Variants in MBLAC2 observed in about 807,000 individuals in gnomAD.
The protein encoded by MBLAC2 is metallo-beta-lactamase domain containing 2.
MBLAC2 carries 24 observed loss-of-function variants against 23.3 expected under a neutral mutation model. That is an observed-to-expected ratio of 1.03 (90% CI 0.75 to 1.45). The LOEUF (loss-of-function observed/expected upper bound fraction) is 1.45, where lower values mean the gene tolerates loss of function less well. MBLAC2 is among the 40% of genes most tolerant of loss of function. MBLAC2 has a pLI of 0.00. For synonymous variants in MBLAC2, 162 were observed against 150.9 expected, an observed-to-expected ratio of 1.07 and a Z score of -0.54; for missense variants, 358 against 370.0, an observed-to-expected ratio of 0.97 and a Z score of 0.27.
rs1055820155 is a variant in MBLAC2 at position 90,460,928 on chromosome 5, G to A, written c.*239C>T. ...CATAAACCTTTATGTCATTTCTAGA[G>A]CATATATTACAAGATGACAGCTTTG... On this transcript the variant is annotated 3_prime_UTR_variant, in exon 2 of 2. Coordinates refer to ENST00000316610, the MANE Select transcript of MBLAC2 (RefSeq NM_203406.2). 1.6e-5 allele frequency: 6 copies of A among 385,678 alleles called. No homozygotes were observed. Among genetic ancestry groups the A allele is most frequent in the African/African-American group, 1.2e-4 (6 of 48,148 alleles). The allele number at this position is 385,678 out of a possible 1,614,324, so 23.9% of individuals were successfully genotyped here.
rs1379177175 is a variant in MBLAC2, at chr5:90,458,643, T to C, written c.*2524A>G. 2 of 152,168 alleles carry C rather than the reference T, an allele frequency of 1.3e-5. No individual in the cohort carries two copies. The highest frequency in any genetic ancestry group is 4.8e-5 in the African/African-American group (2 of 41,466). 9.4% of individuals were successfully genotyped at this position (152,168 alleles called of 1,614,324 possible). On this transcript the variant is annotated 3_prime_UTR_variant, in exon 2 of 2. Transcript: ENST00000316610. ...CACACGGCATCTTGGAAAGTAAAAA[T>C]ACATCTTGCCAATTTTCTGCTATTG...
At chr5:90,464,646 C>G (rs1162027414) in intron 1 of MBLAC2, among the ~76,000 whole-genome samples, 1 of 151,858 alleles carries the variant, frequency 6.6e-6, no homozygotes, top group Admixed American at 6.6e-5. Context: ...AAATTATTGA[C>G]AAAATATTGG....
rs1330738268 is a variant in MBLAC2 at position 90,460,435 on chromosome 5, T to C, written c.*732A>G. On this transcript the variant is annotated 3_prime_UTR_variant, in exon 2 of 2. Coordinates refer to ENST00000316610, the MANE Select transcript of MBLAC2 (RefSeq NM_203406.2). ...TGTCCTTTTAAGAAATCTGACAATT[T>C]GTAGTTAGATAACAGACATTTGCAT... 1 of 152,588 alleles carries C rather than the reference T, an allele frequency of 6.6e-6. No individual in the cohort carries two copies. The highest frequency in any genetic ancestry group is 1.5e-5 in the Non-Finnish European group (1 of 67,982). 9.5% of individuals were successfully genotyped at this position (152,588 alleles called of 1,614,324 possible).
chr5:90,465,352 G>A (rs1177965599), intron 1 of MBLAC2, among the ~76,000 whole-genome samples: 1 of 152,064 alleles, frequency 6.6e-6, no homozygotes, highest in Non-Finnish European at 1.5e-5. Flanking sequence ...AATTAAAGAA[G>A]ACCTCAATAA....
At position 90,460,446 on chromosome 5, in the gene MBLAC2, AAC is replaced by A. The variant is rs1398474389; in HGVS notation, c.*719_*720del. The A allele has an allele frequency of 6.6e-6, 1 of 152,606 alleles. No homozygotes were observed. Among genetic ancestry groups the A allele is most frequent in the African/African-American group, 2.4e-5 (1 of 41,454 alleles). 9.5% of individuals were successfully genotyped at this position (152,606 alleles called of 1,614,324 possible). On this transcript the variant is annotated 3_prime_UTR_variant, in exon 2 of 2. Coordinates refer to ENST00000316610, the MANE Select transcript of MBLAC2 (RefSeq NM_203406.2). The stretch of plus-strand genomic sequence containing the variant: ...GAAATCTGACAATTTGTAGTTAGAT[AAC>A]AGACATTTGCATTTCACTTTCATAA...
intron 1 of MBLAC2, among the ~76,000 whole-genome samples, chr5:90,466,511 G>C (rs1461585545): frequency 2.6e-5 from 4 of 152,112 alleles, no homozygotes; most frequent in Non-Finnish European, 5.9e-5. Flanking sequence ...TTGCTAACTG[G>C]ACTTCAAGTT....
chr5:90,468,169 C>T (rs1750481936), intron 1 of MBLAC2, among the ~76,000 whole-genome samples: 1 of 152,070 alleles, frequency 6.6e-6, no homozygotes, highest in Non-Finnish European at 1.5e-5. Flanking sequence ...GACTATGTGC[C>T]TAGGTGATGA....
chr5:90,464,978 C>T (rs1750425374), intron 1 of MBLAC2, among the ~76,000 whole-genome samples: 1 of 152,160 alleles, frequency 6.6e-6, no homozygotes. Context: ...CTGCTCTTAC[C>T]ATTTCTATTC....
At position 90,458,501 on chromosome 5, in the gene MBLAC2, T is replaced by C. The variant is rs1188012652; in HGVS notation, c.*2666A>G. The C allele has an allele frequency of 1.3e-5, 2 of 152,206 alleles. No individual in the cohort carries two copies. The highest frequency in any genetic ancestry group is 6.5e-5 in the Admixed American group (1 of 15,280). 9.4% of individuals were successfully genotyped at this position (152,206 alleles called of 1,614,324 possible). A position where few individuals can be genotyped will look rare whatever the true frequency, so the allele number is the denominator to read the frequency against. On this transcript the variant is annotated 3_prime_UTR_variant, in exon 2 of 2. Coordinates refer to ENST00000316610, the MANE Select transcript of MBLAC2 (RefSeq NM_203406.2). ...ACTTTGAATTATACTTACATACTAA[T>C]ATTTCCAAAAATCATTTAAGTTACA...
At chr5:90,468,564 T>G (rs1455824433) in intron 1 of MBLAC2, among the ~76,000 whole-genome samples, 1 of 152,160 alleles carries the variant, frequency 6.6e-6, no homozygotes, top group Non-Finnish European at 1.5e-5. Flanking sequence ...TTTTTATTTA[T>G]GCTATCTATT....
intron 1 of MBLAC2, chr5:90,473,550 T>C (rs1297396995): frequency 1.3e-5 from 8 of 630,798 alleles, no homozygotes; most frequent in Admixed American, 1.2e-4. Context: ...GTAGTGTTAC[T>C]GCTACAGCCG....
At chr5:90,473,669 G>A (rs1251332785) in intron 1 of MBLAC2, 170 bp downstream of exon 1, 4 of 730,368 alleles carry the variant, frequency 5.5e-6, no homozygotes, top group Non-Finnish European at 9.7e-6. Flanking sequence ...TGATGGCCTT[G>A]ACTCTGGTCA....
intron 1 of MBLAC2, among the ~76,000 whole-genome samples, chr5:90,468,926 A>G (rs1427864070): frequency 6.6e-6 from 1 of 152,230 alleles, no homozygotes; most frequent in Non-Finnish European, 1.5e-5. Flanking sequence ...GGATACGGCA[A>G]AAGCAGTGCT....
At chr5:90,472,270 AG>A (rs1750564016) in intron 1 of MBLAC2, among the ~76,000 whole-genome samples, 2 of 152,248 alleles carry the variant, frequency 1.3e-5, no homozygotes, top group South Asian at 4.1e-4. Context: ...GTCAGAATTT[AG>A]TCTGAATACC....
At chr5:90,464,794 T>C (rs1477381683) in intron 1 of MBLAC2, among the ~76,000 whole-genome samples, 2 of 152,178 alleles carry the variant, frequency 1.3e-5, no homozygotes, top group Non-Finnish European at 2.9e-5. Context: ...TATGATTATC[T>C]CAATAGATAC....
intron 1 of MBLAC2, among the ~76,000 whole-genome samples, chr5:90,467,682 T>C (rs887701169): frequency 2.7e-5 from 4 of 149,284 alleles, no homozygotes; most frequent in Non-Finnish European, 5.9e-5. Context: ...TCAATGTTAG[T>C]ATTGAGATGC....
At chr5:90,465,962 G>T (rs574804419) in intron 1 of MBLAC2, among the ~76,000 whole-genome samples, 1 of 151,976 alleles carries the variant, frequency 6.6e-6, no homozygotes, top group Non-Finnish European at 1.5e-5. Context: ...ATCTTTTTTC[G>T]AAGAAACTGA....
At chr5:90,473,140 C>G (rs1157865814) in intron 1 of MBLAC2, 2 of 152,796 alleles carry the variant, frequency 1.3e-5, no homozygotes, top group Admixed American at 1.3e-4. Context: ...TTACCTCTAC[C>G]GAAAATTACT....
chr5:90,470,143 T>C (rs562613746), intron 1 of MBLAC2, among the ~76,000 whole-genome samples: 6 of 152,124 alleles, frequency 3.9e-5, no homozygotes, highest in Non-Finnish European at 8.8e-5. Context: ...AAATGACAAA[T>C]ATCCCACGTT....
Sources: gnomAD v4.1 joint callset for allele counts (sites outside exome capture counted in the v4.1 genomes callset) on GRCh38, gnomAD v4.1.1 for gene constraint, MANE v1.5 for transcripts, NCBI Gene and HGNC (gene_info 2026-07-23, HGNC 2026-07-21) for gene names.